The following SCD5 variants were observed in gnomAD, a reference collection of about 807,000 sequenced individuals.
The protein encoded by SCD5 is stearoyl-CoA desaturase 5.
Under a neutral mutation model 30.4 loss-of-function variants are expected in SCD5, and 20 were observed. That is an observed-to-expected ratio of 0.66 (90% CI 0.46 to 0.96). The LOEUF (loss-of-function observed/expected upper bound fraction) is 0.96, where lower values mean the gene tolerates loss of function less well. Among genes scored for constraint, SCD5 ranks in the 40% least tolerant of loss-of-function variants. The pLI, the probability that SCD5 is intolerant of heterozygous loss-of-function variation, is 0.00. For missense variants in SCD5, 381 were observed against 443.3 expected (o/e 0.86, Z 1.26); for synonymous variants, 173 against 176.4 (o/e 0.98, Z 0.16).
At chr4:82,784,690 CTG>C (rs1235399456) in intron 1 of SCD5, among the ~76,000 whole-genome samples, 2 of 152,058 alleles carry the variant, frequency 1.3e-5, no homozygotes, top group Non-Finnish European at 1.5e-5. Context: ...GAATAACAGA[CTG>C]TTTTTTTTTA....
chr4:82,746,773 G>A (rs1385593111), intron 1 of SCD5, among the ~76,000 whole-genome samples: 1 of 152,024 alleles, frequency 6.6e-6, no homozygotes, highest in African/African-American at 2.4e-5. Flanking sequence ...GTGCTGAGTA[G>A]AGAAGAGCGG....
chr4:82,710,475 C>T (rs533620929), intron 1 of SCD5, among the ~76,000 whole-genome samples: 1 of 152,266 alleles, frequency 6.6e-6, no homozygotes, highest in African/African-American at 2.4e-5. Context: ...AGAGCTGCCC[C>T]CTAGGCTCTC....
intron 3 of SCD5, among the ~76,000 whole-genome samples, chr4:82,663,122 T>G (rs1035162531): frequency 2.0e-5 from 3 of 152,132 alleles, no homozygotes; most frequent in Non-Finnish European, 4.4e-5. Flanking sequence ...TTTCTTTAAC[T>G]CATCAAGAGT....
At chr4:82,712,220 A>G (rs1332111084) in intron 1 of SCD5, among the ~76,000 whole-genome samples, 3 of 119,096 alleles carry the variant, frequency 2.5e-5, no homozygotes, top group African/African-American at 9.2e-5. Flanking sequence ...CTGACTCAAT[A>G]GGTCTGGGGA....
chr4:82,768,654 A>G (rs1448540499), intron 1 of SCD5, among the ~76,000 whole-genome samples: 3 of 152,348 alleles, frequency 2.0e-5, no homozygotes, highest in African/African-American at 7.2e-5. Context: ...GGTTCTGGAA[A>G]GCATCAGTGG....
chr4:82,726,129 T>C (rs565927175), intron 1 of SCD5, among the ~76,000 whole-genome samples: 4 of 152,124 alleles, frequency 2.6e-5, no homozygotes, highest in Admixed American at 2.0e-4. Context: ...TCCTAAACAA[T>C]AACCTTGGGT....
intron 1 of SCD5, among the ~76,000 whole-genome samples, chr4:82,719,100 C>G (rs1343831513): frequency 6.6e-6 from 1 of 151,740 alleles, no homozygotes; most frequent in African/African-American, 2.4e-5. Context: ...AAAAACTGAT[C>G]CAACAATTAA....
chr4:82,797,131 C>T (rs1722242055), intron 1 of SCD5, among the ~76,000 whole-genome samples: 1 of 152,160 alleles, frequency 6.6e-6, no homozygotes, highest in Non-Finnish European at 1.5e-5. Context: ...ACCATAGTGG[C>T]CCCATTATCT....
intron 2 of SCD5, among the ~76,000 whole-genome samples, chr4:82,694,904 T>C (rs951514758): frequency 1.3e-5 from 2 of 152,172 alleles, no homozygotes; most frequent in African/African-American, 2.4e-5. Context: ...AGTATAGGAC[T>C]TTCCTGAGTT....
chr4:82,684,715 T>C lies in SCD5; in HGVS notation c.364-3803A>G, dbSNP rs546919015. On this transcript the variant is annotated intron_variant, in intron 2 of 4. Transcript: ENST00000319540. Reference sequence around the variant, plus strand: ...GCGGGGAGTGAATGGAGATCAACTGTACTGGAAGCCATACCCCCAGCGGTA... The same window carrying C: ...GCGGGGAGTGAATGGAGATCAACTGCACTGGAAGCCATACCCCCAGCGGTA... Among the ~76,000 whole-genome samples, 3 of 152,312 alleles carry C rather than the reference T, an allele frequency of 2.0e-5. No individual in the cohort carries two copies. In the East Asian group the frequency reaches 5.8e-4, roughly 29 times the overall value.
At chr4:82,706,197 A>AT (rs34125720) in intron 1 of SCD5, among the ~76,000 whole-genome samples, 31 of 150,728 alleles carry the variant, frequency 2.1e-4, no homozygotes, top group Non-Finnish European at 3.0e-4. Context: ...CTCTATTAAC[A>AT]TTTTTTTTTT....
intron 1 of SCD5, among the ~76,000 whole-genome samples, chr4:82,752,273 TTATA>T (rs139910934): frequency 6.9e-6 from 1 of 145,632 alleles, no homozygotes; most frequent in Admixed American, 6.9e-5. Flanking sequence ...TTTTAAAAAA[TTATA>T]TATATATATA....
intron 1 of SCD5, among the ~76,000 whole-genome samples, chr4:82,763,373 T>A (rs1022181812): frequency 3.3e-5 from 5 of 152,044 alleles, no homozygotes; most frequent in African/African-American, 1.2e-4. Flanking sequence ...TAGCCAGGTG[T>A]GGTGGTGCAC....
intron 1 of SCD5, among the ~76,000 whole-genome samples, chr4:82,773,600 CAT>C (rs1033847322): frequency 5.9e-5 from 9 of 152,212 alleles, no homozygotes; most frequent in African/African-American, 2.2e-4. Context: ...AAAATACCCA[CAT>C]GTCTAAGCAA....
At chr4:82,632,908 T>A (rs899050632) in intron 4 of SCD5, among the ~76,000 whole-genome samples, 10 of 152,218 alleles carry the variant, frequency 6.6e-5, no homozygotes, top group African/African-American at 2.2e-4. Flanking sequence ...CAACACCGGG[T>A]TCTGAGATAT....
chr4:82,751,038 T>C (rs549533139), intron 1 of SCD5, among the ~76,000 whole-genome samples: 3 of 152,218 alleles, frequency 2.0e-5, no homozygotes, highest in Non-Finnish European at 2.9e-5. Flanking sequence ...TCAAATTTCA[T>C]GAGAACAAGG....
intron 1 of SCD5, among the ~76,000 whole-genome samples, chr4:82,784,929 G>C (rs982805134): frequency 4.6e-5 from 7 of 152,152 alleles, no homozygotes; most frequent in Non-Finnish European, 8.8e-5. Flanking sequence ...ACCAGGGAAG[G>C]CAGCAGCTAT....
intron 1 of SCD5, among the ~76,000 whole-genome samples, chr4:82,794,893 A>G (rs548072751): frequency 3.9e-5 from 6 of 151,994 alleles, no homozygotes; most frequent in African/African-American, 1.4e-4. Context: ...CCTTGTGATC[A>G]GCCCGCCTCG....
chr4:82,633,748 A>G (rs1210718631), intron 4 of SCD5, among the ~76,000 whole-genome samples: 1 of 152,316 alleles, frequency 6.6e-6, no homozygotes, highest in South Asian at 2.1e-4. Flanking sequence ...TTTGATTTTC[A>G]TAAACAGCTT....
Sources: gnomAD v4.1 joint callset for allele counts (sites outside exome capture counted in the v4.1 genomes callset) on GRCh38, gnomAD v4.1.1 for gene constraint, MANE v1.5 for transcripts, NCBI Gene and HGNC (gene_info 2026-07-23, HGNC 2026-07-21) for gene names.